KIF13B: variants seen among roughly 807,000 people sequenced by gnomAD.
KIF13B encodes kinesin-like protein KIF13B.
In KIF13B, 127 loss-of-function variants were observed where a neutral mutation model predicts 222.0. The observed-to-expected ratio is 0.57, with a 90% confidence interval of 0.50 to 0.66. The LOEUF (loss-of-function observed/expected upper bound fraction) is 0.66. KIF13B is among the 30% of genes least tolerant of loss of function. The pLI is 0.00. For synonymous variants in KIF13B, 976 were observed against 919.0 expected, an observed-to-expected ratio of 1.06 and a Z score of -1.12; for missense variants, 2,173 against 2,379.0, an observed-to-expected ratio of 0.91 and a Z score of 1.80.
chr8:29,107,540 C>T (rs1809133962), intron 35 of KIF13B, among the ~76,000 whole-genome samples: 1 of 151,010 alleles, frequency 6.6e-6, no homozygotes, highest in Non-Finnish European at 1.5e-5. Flanking sequence ...CACACACACA[C>T]ACAAAATCTA....
chr8:29,119,011 C>T lies in KIF13B; in HGVS notation c.3536-19G>A. ...TCATCAGCTAAAAGCAAAGAAGTTC[C>T]ATTAAATACTGAGATCATTTTCAAG... On this transcript the variant is annotated intron_variant, in intron 29 of 39. Coordinates refer to ENST00000524189, the MANE Select transcript of KIF13B (RefSeq NM_015254.4). 6.2e-7 allele frequency: 1 copy of T among 1,608,938 alleles called. No homozygotes were observed. The highest frequency in any genetic ancestry group is 8.5e-7 in the Non-Finnish European group (1 of 1,178,156).
At chr8:29,254,804 A>C (rs1423708222) in intron 1 of KIF13B, among the ~76,000 whole-genome samples, 2 of 152,256 alleles carry the variant, frequency 1.3e-5, no homozygotes, top group Non-Finnish European at 2.9e-5. Flanking sequence ...ATCTGAGAAA[A>C]ATGAAAACAC....
At chr8:29,187,598 TAGAA>T (rs1346066150) in intron 5 of KIF13B, among the ~76,000 whole-genome samples, 2 of 152,106 alleles carry the variant, frequency 1.3e-5, no homozygotes, top group Non-Finnish European at 2.9e-5. Context: ...CACAGGAAAA[TAGAA>T]AGAAAAAACT....
At chr8:29,117,096 A>G in intron 30 of KIF13B, 89 bp from the exon 31 acceptor site, 2 of 1,198,568 alleles carry the variant, frequency 1.7e-6, no homozygotes, top group Non-Finnish European at 2.3e-6. Context: ...TCAGGCTGAA[A>G]GGGCACATGC....
chr8:29,213,171 C>A (rs922981303), intron 2 of KIF13B, among the ~76,000 whole-genome samples: 1 of 152,126 alleles, frequency 6.6e-6, no homozygotes, highest in East Asian at 1.9e-4. Context: ...AGGGTCACTA[C>A]CTACATAACA....
Position 29,122,656 on chromosome 8 carries a change from G to GC in KIF13B, c.3480-11_3480-10insG. On this transcript the variant is annotated splice_polypyrimidine_tract_variant and intron_variant, in intron 28 of 39. Transcript: ENST00000524189. ...CCCAGGTACTGGGGTCCTAAAACGG[G>GC]AAGAACAAATGGCATCTGCCTCAGG... 6.2e-7 allele frequency: 1 copy of GC among 1,603,192 alleles called. No homozygotes were observed. Among genetic ancestry groups the GC allele is most frequent in the Non-Finnish European group, 8.5e-7 (1 of 1,174,322 alleles).
chr8:29,110,072 T>C lies in KIF13B; in HGVS notation c.3931-2A>G, dbSNP rs1809284110. 6.4e-7 allele frequency: 1 copy of C among 1,554,718 alleles called. No individual in the cohort carries two copies. ...CCGTTCTTCCACTCCCTGGGCATCCTGAGCAGTGGAAAGTTATACATTATA... is the reference window on the plus strand; with the variant it reads ...CCGTTCTTCCACTCCCTGGGCATCCCGAGCAGTGGAAAGTTATACATTATA... On this transcript the variant is annotated splice_acceptor_variant, in intron 32 of 39. Coordinates refer to ENST00000524189, the MANE Select transcript of KIF13B (RefSeq NM_015254.4). LOFTEE classifies it high-confidence loss of function.
intron 8 of KIF13B, among the ~76,000 whole-genome samples, chr8:29,179,797 G>A (rs944816406): frequency 6.6e-6 from 1 of 152,162 alleles, no homozygotes; most frequent in Non-Finnish European, 1.5e-5. Context: ...GGAACACAGA[G>A]TTCTAGAGGT....
At chr8:29,134,535 C>T (rs2129864176) in intron 21 of KIF13B, among the ~76,000 whole-genome samples, 1 of 152,322 alleles carries the variant, frequency 6.6e-6, no homozygotes, top group South Asian at 2.1e-4. Flanking sequence ...TCTCAAACAT[C>T]AGCACTCTTC....
At chr8:29,219,006 G>A (rs1814618341) in intron 2 of KIF13B, 1 of 152,258 alleles carries the variant, frequency 6.6e-6, no homozygotes. Context: ...TTCCTAAGAA[G>A]TGCTCAGGAG....
At position 29,229,240 on chromosome 8, in the gene KIF13B, T is replaced by C. The variant is rs1050987706; in HGVS notation, c.149+16106A>G. Among the ~76,000 whole-genome samples, 3 of 152,212 alleles carry C rather than the reference T, an allele frequency of 2.0e-5. No homozygotes were observed. In the East Asian group the frequency reaches 5.8e-4, roughly 29 times the overall value. On this transcript the variant is annotated intron_variant, in intron 2 of 39. Transcript: ENST00000524189. ...AATTAACCAGTTACATTTTTCCAAA[T>C]GTTTAGAGAAGAAACTCTTCTGTAA...
upstream of KIF13B, chr8:29,263,071 G>A (rs372483660): frequency 2.8e-5 from 43 of 1,553,716 alleles, 1 homozygote; most frequent in African/African-American, 5.9e-4. Flanking sequence ...GCTTCCGTCT[G>A]CCGCGGCCAC....
rs776377730 is a variant in KIF13B, at chr8:29,070,629, G to A, written c.5356C>T (p.Pro1786Ser). 5.1e-6 allele frequency: 8 copies of A among 1,573,856 alleles called. No individual in the cohort carries two copies. The highest frequency in any genetic ancestry group is 6.9e-6 in the Non-Finnish European group (8 of 1,159,410). Residue 1786 changes from proline to serine, a missense_variant, in exon 40 of 40, where the codon CCC (proline) becomes TCC (serine). Around this residue, in one of 2 missense-constraint regions of KIF13B, gnomAD observed 693 missense variants for 656.2 expected, o/e 1.06. Coordinates refer to ENST00000524189, the MANE Select transcript of KIF13B (RefSeq NM_015254.4). The surrounding 1 kb of genome is among the most constrained non-coding windows in gnomAD (Gnocchi z 4.1). The stretch of plus-strand genomic sequence containing the variant: ...AGGGTGGCGCTCCGGCGGGCCTCGG[G>A]GGCACCCAGCCGGAGTCCTGTGCTG... ...RRSTGLRLGA[P>S]EARRSATLSG... is the part of the protein sequence containing the mutation.
Position 29,071,524 on chromosome 8 carries a change from T to TC in KIF13B, c.5218+95dup. On this transcript the variant is annotated intron_variant, in intron 39 of 39. Transcript: ENST00000524189. This position sits in a 1 kb window ranked among gnomAD's most constrained non-coding sequence, Gnocchi z 4.9. Reference sequence around the variant, plus strand: ...AAGCCGCTGCCTCCCGGCCCCTCCCTCTCCTGCCCGGACCCTGTCCCCTCC... The same window carrying TC: ...AAGCCGCTGCCTCCCGGCCCCTCCCTCCTCCTGCCCGGACCCTGTCCCCTCC... 8.6e-7 allele frequency: 1 copy of TC among 1,162,608 alleles called. No homozygotes were observed. Among genetic ancestry groups the TC allele is most frequent in the African/African-American group, 1.5e-5 (1 of 64,682 alleles). 72.0% of individuals were successfully genotyped at this position (1,162,608 alleles called of 1,614,324 possible). A position where few individuals can be genotyped will look rare whatever the true frequency, so the allele number is the denominator to read the frequency against.
intron 21 of KIF13B, among the ~76,000 whole-genome samples, chr8:29,134,707 G>A (rs772749036): frequency 3.9e-5 from 6 of 152,144 alleles, no homozygotes; most frequent in Non-Finnish European, 8.8e-5. Flanking sequence ...GAGGAATAAG[G>A]TTCTCAACTG....
intron 35 of KIF13B, among the ~76,000 whole-genome samples, chr8:29,103,241 C>CAAA (rs55959844): frequency 1.2e-5 from 1 of 83,626 alleles, no homozygotes; most frequent in Non-Finnish European, 2.5e-5. Flanking sequence ...GACTCTGTCT[C>CAAA]AAAAAAAAAA....
At chr8:29,216,728 A>AGT (rs1422004672) in intron 2 of KIF13B, among the ~76,000 whole-genome samples, 1 of 152,242 alleles carries the variant, frequency 6.6e-6, no homozygotes, top group African/African-American at 2.4e-5. Context: ...AAACTAAATG[A>AGT]AAAGATGCTT....
At chr8:29,072,909 T>C (rs1246075339) in intron 38 of KIF13B, among the ~76,000 whole-genome samples, 1 of 151,884 alleles carries the variant, frequency 6.6e-6, no homozygotes, top group African/African-American at 2.4e-5. Flanking sequence ...ACTGAGTCAC[T>C]AAAGAGACCA....
rs1356954493 is a variant in KIF13B at position 29,200,027 on chromosome 8, T to C, written c.150-3828A>G. 5.9e-5 allele frequency among the ~76,000 whole-genome samples: 9 copies of C among 152,260 alleles called. No homozygotes were observed. The East Asian group carries it at 1.3e-3, about 23-fold the overall frequency. On this transcript the variant is annotated intron_variant, in intron 2 of 39. Transcript: ENST00000524189. ...CTCTTCCTAAGACAAACAACAAGTA[T>C]GAAATTCAATAACATATGACACATA...
Sources: gnomAD v4.1 joint callset for allele counts (sites outside exome capture counted in the v4.1 genomes callset) on GRCh38, gnomAD v4.1.1 for gene constraint, gnomAD v4.1.1 regional missense constraint, Gnocchi (gnomAD v3.1) non-coding constraint, MANE v1.5 for transcripts, NCBI Gene and HGNC (gene_info 2026-07-23, HGNC 2026-07-21) for gene names.